Variants in UNC13B observed in about 807,000 individuals in gnomAD.
The protein encoded by UNC13B is protein unc-13 homolog B.
UNC13B carries 144 observed loss-of-function variants against 211.0 expected under a neutral mutation model. That is an observed-to-expected ratio of 0.68 (90% CI 0.60 to 0.78). The LOEUF is 0.78. Among genes scored for constraint, UNC13B ranks in the 30% least tolerant of loss-of-function variants. The probability of loss-of-function intolerance (pLI) is 0.00; values close to 1 mark genes in which losing one functional copy is unlikely to be tolerated. For synonymous variants in UNC13B, 709 were observed against 725.8 expected (o/e 0.98, Z 0.37); for missense variants, 1,777 against 2,002.0 (o/e 0.89, Z 2.14).
At chr9:35,380,802 G>T (rs766429555) in intron 18 of UNC13B, among the ~76,000 whole-genome samples, 163 bp downstream of exon 18, 1 of 152,206 alleles carries the variant, frequency 6.6e-6, no homozygotes, top group Non-Finnish European at 1.5e-5. Context: ...GGGGACAGAG[G>T]AGTGGCAGTG....
At chr9:35,254,117 G>C (rs1468274442) in intron 6 of UNC13B, among the ~76,000 whole-genome samples, 1 of 152,134 alleles carries the variant, frequency 6.6e-6, no homozygotes, top group East Asian at 1.9e-4. Flanking sequence ...AGTGGTTGAA[G>C]ATCCCTACCC....
intron 7 of UNC13B, among the ~76,000 whole-genome samples, chr9:35,288,447 G>A (rs1224940170): frequency 2.0e-5 from 3 of 152,312 alleles, no homozygotes; most frequent in South Asian, 4.1e-4. Flanking sequence ...CACTGAACAT[G>A]CCTTTGCATG....
intron 5 of UNC13B, among the ~76,000 whole-genome samples, chr9:35,240,674 CT>C (rs1825757985): frequency 6.6e-6 from 1 of 151,884 alleles, no homozygotes; most frequent in Non-Finnish European, 1.5e-5. Context: ...TGTTGTATTA[CT>C]TTTTGACTGA....
chr9:35,244,166 C>T (rs1825957941), intron 6 of UNC13B, among the ~76,000 whole-genome samples: 1 of 151,744 alleles, frequency 6.6e-6, no homozygotes, highest in Non-Finnish European at 1.5e-5. Flanking sequence ...TTCTGAGAAA[C>T]AAAGGAGACT....
rs1191610743 is a variant in UNC13B, at chr9:35,307,250, G to T, written c.7846G>T (p.Gly2616Cys). Reference sequence around the variant, plus strand: ...AACAATTAATACATCTTCTTTCTCGGGTGATGATACTGGGCAAGGAGTATT... The same window carrying T: ...AACAATTAATACATCTTCTTTCTCGTGTGATGATACTGGGCAAGGAGTATT... ...SETINTSSFS[G>C]DDTGQGVLSL... The change falls in exon 9 of 40, where the codon GGT becomes TGT. Residue 2616 changes from glycine (G) to cysteine (C), a missense_variant. Coordinates refer to ENST00000635942, the MANE Select transcript of UNC13B (RefSeq NM_001371189.2). 2.5e-6 allele frequency: 1 copy of T among 398,804 alleles called. No individual in the cohort carries two copies. The highest frequency in any genetic ancestry group is 2.1e-5 in the African/African-American group (1 of 48,604). The allele number at this position is 398,804 out of a possible 1,614,324, so 24.7% of individuals were successfully genotyped here.
chr9:35,389,986 C>T lies in UNC13B; in HGVS notation c.11222+13C>T, dbSNP rs1265103299. The T allele has an allele frequency of 6.2e-7, 1 of 1,613,028 alleles. No homozygotes were observed. Among genetic ancestry groups the T allele is most frequent in the East Asian group, 2.2e-5 (1 of 44,846 alleles). ...CTGTTCTGAACCAGTGAGTATCACC[C>T]TCTTTGGCCCTGTCTGTTGGTGGTT... is the stretch of plus-strand genomic sequence containing the variant. On this transcript the variant is annotated intron_variant, in intron 25 of 39. Transcript: ENST00000635942.
intron 1 of UNC13B, among the ~76,000 whole-genome samples, chr9:35,215,071 A>T (rs1294860815): frequency 6.6e-6 from 1 of 152,196 alleles, no homozygotes; most frequent in Non-Finnish European, 1.5e-5. Context: ...ATTGAGATAC[A>T]AGAAAGACTA....
chr9:35,397,339 C>G (rs375530873), intron 29 of UNC13B, 29 bp downstream of exon 29: 22 of 1,609,570 alleles, frequency 1.4e-5, no homozygotes, highest in East Asian at 2.2e-5. Context: ...ACTCCCTCCC[C>G]CTTACCACCA....
chr9:35,197,735 G>A (rs1823025362), intron 1 of UNC13B, among the ~76,000 whole-genome samples: 1 of 151,494 alleles, frequency 6.6e-6, no homozygotes, highest in East Asian at 1.9e-4. Context: ...AGATCTTGTT[G>A]TTTAAATTTG....
chr9:35,349,168 G>A (rs1013560523), intron 11 of UNC13B, among the ~76,000 whole-genome samples: 3 of 151,816 alleles, frequency 2.0e-5, no homozygotes, highest in African/African-American at 7.3e-5. Context: ...TGCCTGCCTC[G>A]GCCTCCCAAA....
Position 35,390,730 on chromosome 9 carries a change from A to G in UNC13B, c.11308+16A>G. The G allele has an allele frequency of 6.2e-7, 1 of 1,607,460 alleles. No individual in the cohort carries two copies. The highest frequency in any genetic ancestry group is 8.5e-7 in the Non-Finnish European group (1 of 1,177,640). ...GCATTGGAGGGTAAGGATCTGTTCA[A>G]ATCAGTGGGCTGCCAGGCTCCTAGC... On this transcript the variant is annotated intron_variant, in intron 26 of 39. Coordinates refer to ENST00000635942, the MANE Select transcript of UNC13B (RefSeq NM_001371189.2).
intron 23 of UNC13B, 37 bp downstream of exon 23, chr9:35,385,850 G>T (rs1476625647): frequency 6.3e-7 from 1 of 1,584,334 alleles, no homozygotes; most frequent in Non-Finnish European, 8.6e-7. Flanking sequence ...GTGCTGGGCT[G>T]GAGACCTGGC....
chr9:35,216,406 C>T (rs763690467), intron 1 of UNC13B, among the ~76,000 whole-genome samples: 3 of 152,166 alleles, frequency 2.0e-5, no homozygotes, highest in Non-Finnish European at 4.4e-5. Context: ...AATGACATAG[C>T]AGTGAGTTCC....
rs1471444489 is a variant in UNC13B, at chr9:35,300,936, C to T, written c.1532C>T (p.Pro511Leu). Residue 511 changes from proline (P) to leucine (L), a missense_variant, in exon 9 of 40, where the codon CCA (proline) becomes CTA (leucine). By Grantham distance (98) the Pro-to-Leu change is moderately conservative. Transcript: ENST00000635942. Reference sequence around the variant, plus strand: ...CAGAGAACGCCTGGGGATCAAATACCACCTTTAACTATTGTCAAGAATGAC... The same window carrying T: ...CAGAGAACGCCTGGGGATCAAATACTACCTTTAACTATTGTCAAGAATGAC... ...AEQRTPGDQI[P>L]PLTIVKNDKD... 1 of 398,900 alleles carries T rather than the reference C, an allele frequency of 2.5e-6. No individual in the cohort carries two copies. Among genetic ancestry groups the T allele is most frequent in the Non-Finnish European group, 4.4e-6 (1 of 226,004 alleles). The allele number at this position is 398,900 out of a possible 1,614,324, so 24.7% of individuals were successfully genotyped here. A position where few individuals can be genotyped will look rare whatever the true frequency, so the allele number is the denominator to read the frequency against.
rs977236424 is a variant in UNC13B at position 35,302,269 on chromosome 9, A to G, written c.2865A>G (p.Ile955Met). The change falls in exon 9 of 40, where the codon ATA becomes ATG. Residue 955 changes from isoleucine to methionine, a missense_variant. Physicochemically the swap from Ile to Met is conservative, Grantham distance 10. Transcript: ENST00000635942. Reference protein sequence around the residue: ...STEEFKKNDQINCPEDAKLNS... With the variant: ...STEEFKKNDQMNCPEDAKLNS... ...AGGAATTTAAAAAGAATGACCAGAT[A>G]AATTGTCCTGAAGATGCCAAACTTA... The G allele has an allele frequency of 5.0e-6, 2 of 398,594 alleles. No individual in the cohort carries two copies. The highest frequency in any genetic ancestry group is 4.1e-5 in the African/African-American group (2 of 48,640). The allele number at this position is 398,594 out of a possible 1,614,324, so 24.7% of individuals were successfully genotyped here. A position where few individuals can be genotyped will look rare whatever the true frequency, so the allele number is the denominator to read the frequency against.
chr9:35,394,695 C>T (rs967951794), intron 26 of UNC13B, among the ~76,000 whole-genome samples: 6 of 152,092 alleles, frequency 3.9e-5, no homozygotes, highest in Non-Finnish European at 8.8e-5. Context: ...GTTGGAAGAG[C>T]TCTCCAGGAG....
At chr9:35,280,469 C>G (rs1828420249) in intron 7 of UNC13B, among the ~76,000 whole-genome samples, 1 of 152,076 alleles carries the variant, frequency 6.6e-6, no homozygotes, top group Non-Finnish European at 1.5e-5. Context: ...TACCTCCAGT[C>G]TAGGACTAAG....
At chr9:35,178,697 C>T (rs773304467) in intron 1 of UNC13B, among the ~76,000 whole-genome samples, 2 of 151,390 alleles carry the variant, frequency 1.3e-5, no homozygotes, top group South Asian at 2.1e-4. Context: ...TTGAGACCAG[C>T]GTGGCCAACA....
At chr9:35,366,910 T>G (rs1422589825) in intron 11 of UNC13B, 37 bp from the exon 12 acceptor site, 1 of 1,585,820 alleles carries the variant, frequency 6.3e-7, no homozygotes, top group East Asian at 2.2e-5. Flanking sequence ...CTCCCATCTT[T>G]CCCAGGATCT....
Sources: allele counts gnomAD v4.1 joint callset (sites outside exome capture counted in the v4.1 genomes callset), GRCh38; gene constraint gnomAD v4.1.1; transcripts MANE v1.5; gene names NCBI Gene and HGNC (gene_info 2026-07-23, HGNC 2026-07-21).